Variants in TLR6 observed in about 807,000 individuals in gnomAD.
The protein encoded by TLR6 is toll-like receptor 6.
TLR6 carries 9 observed loss-of-function variants against 16.1 expected under a neutral mutation model. The ratio of observed to expected loss-of-function variants is 0.56; its 90% confidence interval spans 0.34 to 0.98. The LOEUF is 0.98. Among genes scored for constraint, TLR6 ranks in the 50% least tolerant of loss-of-function variants. The probability of loss-of-function intolerance (pLI) is 0.02; values close to 1 mark genes in which losing one functional copy is unlikely to be tolerated. For missense variants in TLR6, 786 were observed against 921.0 expected (o/e 0.85, Z 1.90); for synonymous variants, 340 against 338.6 (o/e 1.00, Z -0.04).
the TLR6 span, chr4:38,868,052 C>T: frequency 1.7e-5 from 7 of 423,452 alleles, no homozygotes; most frequent in Non-Finnish European, 3.3e-5. Context: ...TGGGTGCGGG[C>T]GTGTGAGTGT....
At chr4:38,829,141 C>A in exon 2 of TLR6, 1 of 1,614,078 alleles carries the variant, frequency 6.2e-7, no homozygotes, top group South Asian at 1.1e-5. Context: ...TCTTTTGCAA[C>A]TGATTATGAG....
the TLR6 span, among the ~76,000 whole-genome samples, chr4:38,864,401 G>C: frequency 1.3e-5 from 2 of 152,196 alleles, no homozygotes; most frequent in Non-Finnish European, 2.9e-5. Flanking sequence ...GTCTAGTAAA[G>C]GGGAACCAGC....
intron 1 of TLR6, among the ~76,000 whole-genome samples, chr4:38,849,450 G>A (rs1223984275): frequency 6.6e-6 from 1 of 152,116 alleles, no homozygotes; most frequent in Non-Finnish European, 1.5e-5. Context: ...ATGTAAATGG[G>A]CTAAATGCTC....
intron 1 of TLR6, among the ~76,000 whole-genome samples, chr4:38,837,428 T>C (rs1711986359): frequency 6.6e-6 from 1 of 152,102 alleles, no homozygotes; most frequent in Non-Finnish European, 1.5e-5. Flanking sequence ...ATCCACATAT[T>C]TACAGCCAAT....
At chr4:38,834,921 A>G (rs996895665) in intron 1 of TLR6, among the ~76,000 whole-genome samples, 2 of 152,222 alleles carry the variant, frequency 1.3e-5, no homozygotes, top group African/African-American at 4.8e-5. Flanking sequence ...AAAAGATTAT[A>G]TCTACCATTA....
At chr4:38,863,986 G>A in the TLR6 span, among the ~76,000 whole-genome samples, 5 of 152,038 alleles carry the variant, frequency 3.3e-5, no homozygotes, top group African/African-American at 1.2e-4. Context: ...TCCTCCCTCT[G>A]CTCCAGCCAC....
intron 1 of TLR6, among the ~76,000 whole-genome samples, chr4:38,839,319 T>A (rs1244978945): frequency 6.9e-6 from 1 of 145,700 alleles, no homozygotes; most frequent in Non-Finnish European, 1.5e-5. Flanking sequence ...TTAAAAAAAA[T>A]TAATAGAAAT....
rs552599497 is a variant in TLR6 at position 38,827,798 on chromosome 4, T to C, written c.1676A>G (p.Tyr559Cys). The C allele has an allele frequency of 2.5e-5, 41 of 1,614,116 alleles. No individual in the cohort carries two copies. Among genetic ancestry groups the C allele is most frequent in the Admixed American group, 6.7e-5 (4 of 60,012 alleles). ...ATAACTTTCTGGGTAGTCACACTTA[T>C]AAGAATCAGGCCAGCCCTCTAACAC... Residue 559 changes from tyrosine (Y) to cysteine (C), a missense_variant, in exon 2 of 2, where the codon TAT becomes TGT. Physicochemically the swap from Tyr to Cys is radical, Grantham distance 194. Transcript: ENST00000436693.
rs894745058 is a variant in TLR6 at position 38,852,787 on chromosome 4, T to G, written c.-65+3974A>C. Among the ~76,000 whole-genome samples the G allele has an allele frequency of 1.7e-3, 255 of 152,236 alleles. 3 individuals carry two copies. In the East Asian group the frequency reaches 0.03, roughly 18 times the overall value. ...AACACTTTTACACTGTTGGTGGGAC[T>G]GTAAACTAGTTCAACCATTGTGGAA... On this transcript the variant is annotated intron_variant, in intron 1 of 1. Coordinates refer to ENST00000436693, the Ensembl canonical transcript of TLR6.
intron 1 of TLR6, among the ~76,000 whole-genome samples, chr4:38,855,276 T>A (rs1712936882): frequency 6.6e-6 from 1 of 151,704 alleles, no homozygotes; most frequent in South Asian, 2.1e-4. Context: ...GATTAAAACC[T>A]GACATATACG....
chr4:38,826,945 G>T, exon 2 of TLR6: 1 of 737,528 alleles, frequency 1.4e-6, no homozygotes, highest in Non-Finnish European at 2.1e-6. Context: ...CAGTTCCCCA[G>T]ATGAAACATT....
chr4:38,838,817 G>A (rs758117622), intron 1 of TLR6, among the ~76,000 whole-genome samples: 4 of 150,974 alleles, frequency 2.6e-5, no homozygotes, highest in Admixed American at 2.0e-4. Context: ...TTTGACACAC[G>A]GTATGTATGT....
At chr4:38,829,083 T>C (rs770989392) in exon 2 of TLR6, 1 of 1,614,164 alleles carries the variant, frequency 6.2e-7, no homozygotes, top group African/African-American at 1.3e-5. Flanking sequence ...TTGAAATCAT[T>C]GAATGAGAGA....
chr4:38,823,270 G>C (rs77827628), downstream of TLR6, among the ~76,000 whole-genome samples: 2,887 of 152,254 alleles, frequency 0.019, 100 homozygotes, highest in African/African-American at 0.061. Context: ...GTTTAGATAT[G>C]TTTGGATACA....
chr4:38,828,130 T>C (rs781610928), exon 2 of TLR6: 2 of 1,614,170 alleles, frequency 1.2e-6, no homozygotes, highest in Middle Eastern at 1.6e-4. Context: ...TCCTGGGAGG[T>C]AAACATCTGA....
exon 2 of TLR6, chr4:38,823,779 A>G (rs1346578795): frequency 1.3e-5 from 2 of 152,300 alleles, no homozygotes; most frequent in East Asian, 1.9e-4. Context: ...CTGACCCTCA[A>G]AACAAAAGCG....
upstream of TLR6, among the ~76,000 whole-genome samples, chr4:38,857,335 T>G (rs926347700): frequency 1.3e-5 from 2 of 152,232 alleles, no homozygotes; most frequent in East Asian, 3.8e-4. Flanking sequence ...TAGCCATATG[T>G]ACGAGCAATC....
At chr4:38,841,359 A>G (rs58050629) in intron 1 of TLR6, among the ~76,000 whole-genome samples, 4,846 of 152,286 alleles carry the variant, frequency 0.032, 222 homozygotes, top group African/African-American at 0.089. Flanking sequence ...GGGAGGCCAC[A>G]GCGGGCAGAT....
At chr4:38,858,865 AAGAAAGAAAGAAAGAAAGAAAGAG>A (rs879750213), upstream of TLR6, among the ~76,000 whole-genome samples, 592 of 136,180 alleles carry the variant, frequency 4.3e-3, 7 homozygotes, top group African/African-American at 0.01. Context: ...GAAAGAAAGA[AAGAAAGAAAGAAAGAAAGAAAGAG>A]AGAAAGAAAG....
Sources: gnomAD v4.1 joint callset for allele counts (sites outside exome capture counted in the v4.1 genomes callset) on GRCh38, gnomAD v4.1.1 for gene constraint, MANE v1.5 for transcripts, NCBI Gene and HGNC (gene_info 2026-07-23, HGNC 2026-07-21) for gene names.